Variants in PCDH7 observed in about 807,000 individuals in gnomAD.
The protein encoded by PCDH7 is protocadherin-7.
PCDH7 carries 17 observed loss-of-function variants against 58.9 expected under a neutral mutation model. The observed-to-expected ratio is 0.29, with a 90% CI of 0.20 to 0.43. PCDH7 has a LOEUF of 0.43. Ranked by LOEUF, PCDH7 falls within the 20% of genes least tolerant of loss-of-function variation. The probability of loss-of-function intolerance (pLI) is 1.00; values close to 1 mark genes in which losing one functional copy is unlikely to be tolerated. For synonymous variants in PCDH7, 664 were observed against 616.4 expected, an observed-to-expected ratio of 1.08 and a Z score of -1.14; for missense variants, 1,274 against 1,441.0, an observed-to-expected ratio of 0.88 and a Z score of 1.88.
At chr4:30,967,642 C>T (rs542943528) in intron 3 of PCDH7, among the ~76,000 whole-genome samples, 1 of 152,192 alleles carries the variant, frequency 6.6e-6, no homozygotes, top group South Asian at 2.1e-4. Context: ...ATTTTCTTCT[C>T]TCGCTCCCAT....
At chr4:30,776,671 C>T (rs1347624213) in intron 1 of PCDH7, among the ~76,000 whole-genome samples, 1 of 152,048 alleles carries the variant, frequency 6.6e-6, no homozygotes, top group Non-Finnish European at 1.5e-5. Context: ...AAATGTATCA[C>T]GAGTTGGGGA....
intron 3 of PCDH7, among the ~76,000 whole-genome samples, chr4:31,010,893 A>G (rs1753128468): frequency 6.6e-6 from 1 of 152,032 alleles, no homozygotes. Flanking sequence ...TGATAATTGC[A>G]GCCTTTAGAG....
At chr4:31,006,490 C>G (rs1009235869) in intron 3 of PCDH7, among the ~76,000 whole-genome samples, 2 of 152,224 alleles carry the variant, frequency 1.3e-5, no homozygotes, top group Non-Finnish European at 2.9e-5. Flanking sequence ...TATATTTAGG[C>G]ATAATCTTAA....
chr4:30,975,922 TCAGCTC>T (rs949108424), intron 3 of PCDH7, among the ~76,000 whole-genome samples: 20 of 152,164 alleles, frequency 1.3e-4, no homozygotes, highest in African/African-American at 4.6e-4. Flanking sequence ...TCAATATCTT[TCAGCTC>T]TAGTAAATCC....
chr4:30,730,630 C>T lies in PCDH7; in HGVS notation c.3175-123C>T, dbSNP rs963543969. On this transcript the variant is annotated intron_variant, in intron 1 of 1. Coordinates refer to ENST00000361762, the Ensembl canonical transcript of PCDH7. ...TTATTATTTACAAACACAAAGTTGG[C>T]ATTAAAATTTTTCTTAGCTCCGAAA... The T allele has an allele frequency of 1.3e-5, 8 of 634,540 alleles. No individual in the cohort carries two copies. The African/African-American group carries it at 1.3e-4, about 10-fold the overall frequency. The allele number at this position is 634,540 out of a possible 1,614,324, so 39.3% of individuals were successfully genotyped here. A position where few individuals can be genotyped will look rare whatever the true frequency, so the allele number is the denominator to read the frequency against.
chr4:30,784,689 C>T lies in PCDH7; in HGVS notation c.70+60093C>T, dbSNP rs1221163078. ...GCAGAAAATTTTACATAGTATCTTT[C>T]GCTTAAGAAAAGAAGAGAAATACTA... On this transcript the variant is annotated intron_variant, in intron 1 of 3. Coordinates refer to the PCDH7 transcript ENST00000509759. Among the ~76,000 whole-genome samples the T allele has an allele frequency of 9.2e-5, 14 of 151,650 alleles. No homozygotes were observed. The East Asian group carries it at 1.2e-3, about 13-fold the overall frequency.
At chr4:30,778,521 G>T (rs956838772) in intron 1 of PCDH7, among the ~76,000 whole-genome samples, 1 of 151,970 alleles carries the variant, frequency 6.6e-6, no homozygotes, top group African/African-American at 2.4e-5. Context: ...TATATTTTAT[G>T]ATTTTTTTCA....
intron 1 of PCDH7, among the ~76,000 whole-genome samples, chr4:30,809,390 A>C (rs113451461): frequency 2.6e-5 from 4 of 151,892 alleles, no homozygotes; most frequent in African/African-American, 7.3e-5. Flanking sequence ...TTATTTTGAA[A>C]CTCTGACCTT....
intron 1 of PCDH7, 71 bp from the exon 2 acceptor site, chr4:30,920,082 T>A: frequency 8.6e-7 from 1 of 1,157,182 alleles, no homozygotes; most frequent in South Asian, 1.3e-5. Context: ...GTATGTAATT[T>A]ATGTATTTTT....
chr4:31,096,248 T>C (rs931502774), intron 3 of PCDH7, among the ~76,000 whole-genome samples: 4 of 152,310 alleles, frequency 2.6e-5, no homozygotes, highest in Non-Finnish European at 2.9e-5. Context: ...TTAGAATAGA[T>C]TCAGCTTAGA....
At chr4:30,835,221 C>A (rs7682792) in intron 1 of PCDH7, among the ~76,000 whole-genome samples, 1 of 151,826 alleles carries the variant, frequency 6.6e-6, no homozygotes, top group Non-Finnish European at 1.5e-5. Context: ...GGGATCCCAA[C>A]CCCCGGGCCA....
chr4:30,927,377 C>A (rs909875671), intron 2 of PCDH7, among the ~76,000 whole-genome samples: 3 of 151,820 alleles, frequency 2.0e-5, no homozygotes, highest in Non-Finnish European at 4.4e-5. Flanking sequence ...TCATTGAGAA[C>A]GGGCCATGAT....
intron 3 of PCDH7, among the ~76,000 whole-genome samples, chr4:31,028,586 G>A (rs956402503): frequency 6.6e-6 from 1 of 151,134 alleles, no homozygotes; most frequent in African/African-American, 2.4e-5. Flanking sequence ...GATCACTTGA[G>A]ACCAGGAGTT....
At chr4:30,824,467 A>G (rs1055423774) in intron 1 of PCDH7, among the ~76,000 whole-genome samples, 21 of 152,130 alleles carry the variant, frequency 1.4e-4, no homozygotes, top group African/African-American at 5.1e-4. Flanking sequence ...GATGGATGGT[A>G]TACGTTAACT....
chr4:30,970,111 T>C (rs2109471703), intron 3 of PCDH7, among the ~76,000 whole-genome samples: 1 of 152,330 alleles, frequency 6.6e-6, no homozygotes, highest in East Asian at 1.9e-4. Flanking sequence ...GTACTGTGCA[T>C]ACTGCTGCTT....
intron 1 of PCDH7, among the ~76,000 whole-genome samples, chr4:30,770,652 C>T (rs1254375667): frequency 6.6e-6 from 1 of 152,018 alleles, no homozygotes; most frequent in African/African-American, 2.4e-5. Flanking sequence ...TATGTGCTTC[C>T]AGATGATTAT....
intron 3 of PCDH7, among the ~76,000 whole-genome samples, chr4:31,054,692 T>C (rs189764951): frequency 6.6e-6 from 1 of 152,248 alleles, no homozygotes; most frequent in African/African-American, 2.4e-5. Context: ...CAACTAAAGA[T>C]TTCTATTCTT....
intron 1 of PCDH7, among the ~76,000 whole-genome samples, chr4:30,773,093 G>A (rs1721622129): frequency 6.6e-6 from 1 of 152,158 alleles, no homozygotes; most frequent in African/African-American, 2.4e-5. Context: ...TGTAGAGACG[G>A]GATTTTACTA....
intron 2 of PCDH7, among the ~76,000 whole-genome samples, chr4:30,945,020 T>A (rs756130470): frequency 2.0e-5 from 3 of 152,134 alleles, no homozygotes; most frequent in Non-Finnish European, 4.4e-5. Flanking sequence ...CTTGAAATTT[T>A]AATAAAGTTG....
Sources: allele counts gnomAD v4.1 joint callset (sites outside exome capture counted in the v4.1 genomes callset), GRCh38; gene constraint gnomAD v4.1.1; transcripts MANE v1.5; gene names NCBI Gene and HGNC (gene_info 2026-07-23, HGNC 2026-07-21).